ASCC3: variants seen among roughly 807,000 people sequenced by gnomAD.
The protein encoded by ASCC3 is ASC-1 complex subunit P200.
In ASCC3, 158 loss-of-function variants were observed where a neutral mutation model predicts 256.3. The observed-to-expected ratio is 0.62, with a 90% CI of 0.54 to 0.70. The LOEUF is 0.70. Ranked by LOEUF, ASCC3 falls within the 30% of genes least tolerant of loss-of-function variation. The pLI is 0.00. For missense variants in ASCC3, 2,259 were observed against 2,626.0 expected (o/e 0.86, Z 3.05); for synonymous variants, 948 against 883.4 (o/e 1.07, Z -1.30).
chr6:100,845,692 ATC>A (rs1393913393), intron 4 of ASCC3, among the ~76,000 whole-genome samples: 2 of 152,132 alleles, frequency 1.3e-5, no homozygotes, highest in South Asian at 4.1e-4. Context: ...TCAGTCAGAA[ATC>A]TCTCTTACAC....
At chr6:100,820,059 G>C (rs1485972611) in intron 4 of ASCC3, among the ~76,000 whole-genome samples, 1 of 152,168 alleles carries the variant, frequency 6.6e-6, no homozygotes, top group Non-Finnish European at 1.5e-5. Flanking sequence ...CTACTGCTAG[G>C]ATCATAATAA....
At chr6:100,656,993 C>T (rs374987098) in intron 16 of ASCC3, among the ~76,000 whole-genome samples, 2 of 151,044 alleles carry the variant, frequency 1.3e-5, no homozygotes, top group East Asian at 3.9e-4. Context: ...GAAAGTAAAA[C>T]CTTCATGTTT....
chr6:100,631,838 T>A (rs1041946051), intron 25 of ASCC3, among the ~76,000 whole-genome samples: 2 of 151,996 alleles, frequency 1.3e-5, no homozygotes, highest in African/African-American at 4.8e-5. Context: ...TCTACTGTTA[T>A]ATTAACATGT....
intron 34 of ASCC3, 40 bp downstream of exon 34, chr6:100,601,770 G>A (rs766340584): frequency 7.8e-6 from 12 of 1,541,632 alleles, no homozygotes; most frequent in East Asian, 2.4e-5. Flanking sequence ...GTCTTATTTC[G>A]GGGCAAAACA....
At chr6:100,762,786 T>C (rs1334932338) in intron 10 of ASCC3, among the ~76,000 whole-genome samples, 5 of 152,134 alleles carry the variant, frequency 3.3e-5, no homozygotes, top group Non-Finnish European at 4.4e-5. Context: ...AGCTAGGTAG[T>C]TGGACTTAAT....
intron 36 of ASCC3, among the ~76,000 whole-genome samples, chr6:100,571,244 T>C (rs2114724906): frequency 6.6e-6 from 1 of 152,316 alleles, no homozygotes; most frequent in East Asian, 1.9e-4. Context: ...CTGCCCAGGA[T>C]TTCTTCCCCA....
intron 36 of ASCC3, among the ~76,000 whole-genome samples, chr6:100,550,389 A>T (rs1769229325): frequency 6.6e-6 from 1 of 151,920 alleles, no homozygotes; most frequent in African/African-American, 2.4e-5. Context: ...TACACTATAC[A>T]CTCCCATTTT....
At chr6:100,526,963 T>G (rs1357315776) in intron 37 of ASCC3, among the ~76,000 whole-genome samples, 1 of 152,144 alleles carries the variant, frequency 6.6e-6, no homozygotes, top group Non-Finnish European at 1.5e-5. Context: ...CAGAAAATCT[T>G]AAAAACATTG....
At chr6:100,548,040 CA>C (rs76172986) in intron 36 of ASCC3, among the ~76,000 whole-genome samples, 5,138 of 128,748 alleles carry the variant, frequency 0.04, 108 homozygotes, top group African/African-American at 0.077. Flanking sequence ...GAAGCCAGAC[CA>C]AAAAAAAAAA....
At chr6:100,542,331 C>T (rs769159244) in intron 36 of ASCC3, among the ~76,000 whole-genome samples, 1 of 152,168 alleles carries the variant, frequency 6.6e-6, no homozygotes, top group Non-Finnish European at 1.5e-5. Flanking sequence ...CCAGGTTTCT[C>T]ATCAGAAATA....
intron 37 of ASCC3, among the ~76,000 whole-genome samples, chr6:100,524,304 C>T (rs551308905): frequency 6.6e-6 from 1 of 152,078 alleles, no homozygotes; most frequent in Admixed American, 6.5e-5. Context: ...TCATTATTGT[C>T]TCTGTGGGTA....
chr6:100,678,109 T>C (rs1291674944), intron 14 of ASCC3, among the ~76,000 whole-genome samples: 1 of 152,186 alleles, frequency 6.6e-6, no homozygotes, highest in Non-Finnish European at 1.5e-5. Flanking sequence ...AAACAATGCC[T>C]GACACCAGTG....
At chr6:100,622,471 C>A (rs958178614) in intron 30 of ASCC3, among the ~76,000 whole-genome samples, 1 of 151,998 alleles carries the variant, frequency 6.6e-6, no homozygotes, top group African/African-American at 2.4e-5. Flanking sequence ...CCTGAAACCT[C>A]CCCAGCCATG....
At chr6:100,706,491 G>A (rs1197138670) in intron 13 of ASCC3, among the ~76,000 whole-genome samples, 1 of 151,680 alleles carries the variant, frequency 6.6e-6, no homozygotes, top group Non-Finnish European at 1.5e-5. Context: ...ACCTCTAAAT[G>A]AGTCTCAATA....
chr6:100,608,753 A>T (rs1251320818), intron 30 of ASCC3, among the ~76,000 whole-genome samples: 2 of 46,392 alleles, frequency 4.3e-5, no homozygotes, highest in Non-Finnish European at 7.8e-5. Context: ...ATATATATAT[A>T]TATATATATA....
chr6:100,817,113 G>T (rs911585282), intron 4 of ASCC3, among the ~76,000 whole-genome samples: 1 of 151,646 alleles, frequency 6.6e-6, no homozygotes, highest in Non-Finnish European at 1.5e-5. Flanking sequence ...TAATTTTAAA[G>T]AAATTTAAAA....
chr6:100,731,320 T>C (rs2115050138), intron 10 of ASCC3, among the ~76,000 whole-genome samples: 1 of 152,332 alleles, frequency 6.6e-6, no homozygotes, highest in Middle Eastern at 3.4e-3. Context: ...ACATTTTTCA[T>C]CAATCTCAGA....
intron 25 of ASCC3, among the ~76,000 whole-genome samples, chr6:100,633,691 C>A (rs1301477062): frequency 6.7e-6 from 1 of 149,938 alleles, no homozygotes; most frequent in Non-Finnish European, 1.5e-5. Context: ...CATGGAGAAA[C>A]CCCGTCACTA....
At chr6:100,600,237 A>ACT (rs1258754203) in intron 34 of ASCC3, among the ~76,000 whole-genome samples, 8 of 145,594 alleles carry the variant, frequency 5.5e-5, no homozygotes, top group African/African-American at 1.8e-4. Flanking sequence ...ACACACACAC[A>ACT]CAGTTGTAGA....
Sources: gnomAD v4.1 joint callset for allele counts (sites outside exome capture counted in the v4.1 genomes callset) on GRCh38, gnomAD v4.1.1 for gene constraint, MANE v1.5 for transcripts, NCBI Gene and HGNC (gene_info 2026-07-23, HGNC 2026-07-21) for gene names.